Variants in TTLL3 observed in about 807,000 individuals in gnomAD.
The protein encoded by TTLL3 is tubulin monoglycylase TTLL3.
Under a neutral mutation model 75.2 loss-of-function variants are expected in TTLL3, and 63 were observed. The observed-to-expected ratio is 0.84, with a 90% CI of 0.68 to 1.03. The LOEUF is 1.03. Among genes scored for constraint, TTLL3 ranks in the 50% least tolerant of loss-of-function variants. The pLI is 0.00. For synonymous variants in TTLL3, 393 were observed against 418.5 expected (o/e 0.94, Z 0.74); for missense variants, 997 against 1,069.9 (o/e 0.93, Z 0.95).
chr3:9,814,453 C>T (rs2079635332), intron 4 of TTLL3, among the ~76,000 whole-genome samples: 2 of 152,146 alleles, frequency 1.3e-5, no homozygotes, highest in Non-Finnish European at 1.5e-5. Flanking sequence ...CAAGACCAAC[C>T]GGGCCAACAT....
chr3:9,825,367 G>C lies in TTLL3; in HGVS notation c.855-433G>C, dbSNP rs577837725. 1.3e-4 allele frequency: 24 copies of C among 180,108 alleles called. No homozygotes were observed. The South Asian group carries it at 2.3e-3, about 17-fold the overall frequency. 11.2% of individuals were successfully genotyped at this position (180,108 alleles called of 1,614,324 possible). On this transcript the variant is annotated intron_variant, in intron 8 of 13. Transcript: ENST00000685419. Reference sequence around the variant, plus strand: ...AAAAAAAAAAAAAGTCGGGGGGTAGGGGGTGGGTACTAGTAATACTTCCCT... The same window carrying C: ...AAAAAAAAAAAAAGTCGGGGGGTAGCGGGTGGGTACTAGTAATACTTCCCT...
intron 8 of TTLL3, among the ~76,000 whole-genome samples, chr3:9,821,215 G>A (rs1198023682): frequency 6.6e-6 from 1 of 152,164 alleles, no homozygotes; most frequent in Non-Finnish European, 1.5e-5. Flanking sequence ...ATCCTGAGGG[G>A]CAGTGTTTTC....
rs1478329777 is a variant in TTLL3, at chr3:9,835,779, C to T, written c.*290C>T. 2.9e-5 allele frequency: 11 copies of T among 380,692 alleles called. No individual in the cohort carries two copies. Among genetic ancestry groups the T allele is most frequent in the South Asian group, 6.1e-5 (1 of 16,450 alleles). The allele number at this position is 380,692 out of a possible 1,614,324, so 23.6% of individuals were successfully genotyped here. A position where few individuals can be genotyped will look rare whatever the true frequency, so the allele number is the denominator to read the frequency against. On this transcript the variant is annotated 3_prime_UTR_variant, in exon 14 of 14. Transcript: ENST00000685419. ...GAATGACACCTACCGGGCATAGGAA[C>T]GTTAATGCCATGAGACAGGGGAAGG...
chr3:9,835,595 G>A lies in TTLL3; in HGVS notation c.*106G>A, dbSNP rs1288937071. On this transcript the variant is annotated 3_prime_UTR_variant, in exon 14 of 14. Transcript: ENST00000685419. ...CCCCAGCATCTCCGATCCAGGGGTG[G>A]GGAGCGTGAGCCTTCACTTTACAGA... The A allele has an allele frequency of 1.5e-5, 17 of 1,141,498 alleles. No homozygotes were observed. Among genetic ancestry groups the A allele is most frequent in the Non-Finnish European group, 2.0e-5 (16 of 814,106 alleles). 70.7% of individuals were successfully genotyped at this position (1,141,498 alleles called of 1,614,324 possible). A position where few individuals can be genotyped will look rare whatever the true frequency, so the allele number is the denominator to read the frequency against.
rs929844120 is a variant in TTLL3 at position 9,816,002 on chromosome 3, G to A, written c.316-72G>A. The A allele has an allele frequency of 3.1e-6, 4 of 1,276,386 alleles. No individual in the cohort carries two copies. In the African/African-American group the frequency reaches 4.6e-5, roughly 15 times the overall value. The allele number at this position is 1,276,386 out of a possible 1,614,324, so 79.1% of individuals were successfully genotyped here. ...CTGTTCACCCACCCTGCTCAGCAGG[G>A]CAGGGAGAGGCTGCCTTAGGCCCTG... On this transcript the variant is annotated intron_variant, in intron 4 of 13. Transcript: ENST00000685419.
Position 9,818,178 on chromosome 3 carries a change from T to C in TTLL3, c.559+419T>C, listed in dbSNP as rs905710685. 4.0e-5 allele frequency: 7 copies of C among 176,010 alleles called. No homozygotes were observed. The East Asian group carries it at 1.1e-3, about 27-fold the overall frequency. 10.9% of individuals were successfully genotyped at this position (176,010 alleles called of 1,614,324 possible). The stretch of plus-strand genomic sequence containing the variant: ...CAGGTTAGAATTTGGATCCAGATTC[T>C]ATGCTAGATTTAAATTACATTCAGA... On this transcript the variant is annotated intron_variant, in intron 6 of 13. Coordinates refer to ENST00000685419, the MANE Select transcript of TTLL3 (RefSeq NM_001387446.1).
intron 11 of TTLL3, among the ~76,000 whole-genome samples, chr3:9,830,057 G>A (rs2081376894): frequency 6.6e-6 from 1 of 152,152 alleles, no homozygotes; most frequent in African/African-American, 2.4e-5. Flanking sequence ...TGGCCAGGCT[G>A]GTCTCGAGCT....
At chr3:9,827,305 C>T (rs984328215) in intron 10 of TTLL3, 65 bp downstream of exon 10, 15 of 1,589,892 alleles carry the variant, frequency 9.4e-6, no homozygotes, top group East Asian at 4.5e-5. Flanking sequence ...AGCAAACAGG[C>T]GATTACAGTG....
chr3:9,822,534 A>T (rs1056840317), intron 8 of TTLL3, among the ~76,000 whole-genome samples: 7 of 150,724 alleles, frequency 4.6e-5, no homozygotes, highest in African/African-American at 1.7e-4. Flanking sequence ...ATTTTATTTT[A>T]TTTTTTTGAG....
At chr3:9,830,800 C>T (rs1425465201) in intron 11 of TTLL3, among the ~76,000 whole-genome samples, 2 of 151,968 alleles carry the variant, frequency 1.3e-5, no homozygotes, top group African/African-American at 2.4e-5. Flanking sequence ...TTCAAATGCC[C>T]CCCAAATATC....
intron 8 of TTLL3, among the ~76,000 whole-genome samples, chr3:9,822,869 G>A (rs896724873): frequency 6.2e-5 from 9 of 145,008 alleles, no homozygotes; most frequent in Admixed American, 2.1e-4. Flanking sequence ...TTGGCCTCCC[G>A]AAGTGCTGGG....
chr3:9,812,048 C>T (rs2079403606), intron 2 of TTLL3, among the ~76,000 whole-genome samples: 1 of 152,138 alleles, frequency 6.6e-6, no homozygotes, highest in Non-Finnish European at 1.5e-5. Flanking sequence ...TTTCATAGCC[C>T]GTAAAATGGA....
intron 11 of TTLL3, among the ~76,000 whole-genome samples, chr3:9,832,150 A>G (rs1267315539): frequency 2.3e-5 from 3 of 130,986 alleles, no homozygotes; most frequent in African/African-American, 6.0e-5. Context: ...CAATGGTGCG[A>G]TCTCGGCTCA....
At chr3:9,815,241 C>CAA (rs55895905) in intron 4 of TTLL3, among the ~76,000 whole-genome samples, 79,410 of 140,236 alleles carry the variant, frequency 0.57, 23,424 homozygotes, top group Non-Finnish European at 0.66. Context: ...GACTCCATCT[C>CAA]AAAAAAAAAA....
rs891759186 is a variant in TTLL3 at position 9,810,550 on chromosome 3, G to A, written c.-41-71G>A. 1 of 1,493,958 alleles carries A rather than the reference G, an allele frequency of 6.7e-7. No homozygotes were observed. Among genetic ancestry groups the A allele is most frequent in the African/African-American group, 1.4e-5 (1 of 70,420 alleles). 92.5% of individuals were successfully genotyped at this position (1,493,958 alleles called of 1,614,324 possible). A position where few individuals can be genotyped will look rare whatever the true frequency, so the allele number is the denominator to read the frequency against. On this transcript the variant is annotated intron_variant, in intron 1 of 13. Coordinates refer to ENST00000685419, the MANE Select transcript of TTLL3 (RefSeq NM_001387446.1). This position sits in a 1 kb window ranked among gnomAD's most constrained non-coding sequence, Gnocchi z 4.4. Reference sequence around the variant, plus strand: ...AAAGAGGCGTGGCTATGGGCGGCCAGAAAAGATCCTAGGCCGAGACCCTAG... The same window carrying A: ...AAAGAGGCGTGGCTATGGGCGGCCAAAAAAGATCCTAGGCCGAGACCCTAG...
chr3:9,831,519 G>C (rs764761369), intron 11 of TTLL3, among the ~76,000 whole-genome samples: 2 of 152,174 alleles, frequency 1.3e-5, no homozygotes, highest in Admixed American at 6.5e-5. Flanking sequence ...GTGGCTACCA[G>C]ATTCTCTCCA....
chr3:9,827,688 C>A, intron 10 of TTLL3: 1 of 214,000 alleles, frequency 4.7e-6, no homozygotes, highest in Non-Finnish European at 9.5e-6. Flanking sequence ...ATGCCTGGCC[C>A]CTCCAACAGA....
intron 7 of TTLL3, chr3:9,820,103 G>C: frequency 1.0e-6 from 1 of 1,001,012 alleles, no homozygotes; most frequent in Non-Finnish European, 1.2e-6. Flanking sequence ...AAGGGTTGTA[G>C]CTCTGTATCA....
intron 7 of TTLL3, chr3:9,819,950 C>A (rs748202091): frequency 4.1e-5 from 40 of 985,976 alleles, no homozygotes; most frequent in Non-Finnish European, 4.3e-5. Flanking sequence ...TCAGAATCTT[C>A]AGAGCACTGC....
Sources: gnomAD v4.1 joint callset for allele counts (sites outside exome capture counted in the v4.1 genomes callset) on GRCh38, gnomAD v4.1.1 for gene constraint, Gnocchi (gnomAD v3.1) non-coding constraint, MANE v1.5 for transcripts, NCBI Gene and HGNC (gene_info 2026-07-23, HGNC 2026-07-21) for gene names.